HDAC4: variants seen among roughly 807,000 people sequenced by gnomAD.
HDAC4 encodes the protein histone deacetylase 4.
A neutral mutation model predicts 135.1 loss-of-function variants in HDAC4; 16 were observed. The observed-to-expected ratio is 0.12, with a 90% CI of 0.08 to 0.18. The LOEUF (loss-of-function observed/expected upper bound fraction) is 0.18, where lower values mean the gene tolerates loss of function less well. HDAC4 is among the 10% of genes least tolerant of loss of function. The pLI is 1.00. For missense variants in HDAC4, 1,143 were observed against 1,511.8 expected (o/e 0.76, Z 4.05); for synonymous variants, 685 against 653.4 (o/e 1.05, Z -0.74).
intron 20 of HDAC4, 86 bp from the exon 21 acceptor site, chr2:239,082,307 G>T: frequency 1.3e-6 from 2 of 1,546,198 alleles, no homozygotes; most frequent in Non-Finnish European, 1.8e-6. Context: ...CCCCAGTTGT[G>T]CTTAGTGACA....
At chr2:239,230,736 CT>C (rs2047505533) in intron 3 of HDAC4, among the ~76,000 whole-genome samples, 1 of 152,226 alleles carries the variant, frequency 6.6e-6, no homozygotes, top group African/African-American at 2.4e-5. Flanking sequence ...CAACCAAGGA[CT>C]TTGTTACCAC....
chr2:239,272,501 G>C (rs899253795), intron 2 of HDAC4, among the ~76,000 whole-genome samples: 9 of 152,126 alleles, frequency 5.9e-5, no homozygotes, highest in Admixed American at 5.2e-4. Context: ...ATGAGCAAAG[G>C]ATTTAAACAG....
intron 1 of HDAC4, among the ~76,000 whole-genome samples, chr2:239,366,293 G>A (rs918145731): frequency 2.6e-4 from 39 of 152,254 alleles, no homozygotes; most frequent in Admixed American, 2.3e-3. Context: ...AGGGTCACGC[G>A]TGTGGCACTG....
At chr2:239,166,527 C>T (rs527422937) in intron 5 of HDAC4, among the ~76,000 whole-genome samples, 4 of 152,170 alleles carry the variant, frequency 2.6e-5, no homozygotes, top group Non-Finnish European at 4.4e-5. Flanking sequence ...TCAGGGCACC[C>T]GGCGTTAGAC....
chr2:239,083,175 G>A lies in HDAC4; in HGVS notation c.2533-954C>T, dbSNP rs541645678. Reference sequence around the variant, plus strand: ...TACATGGGCAATATCACAGCTCAGCGCGCAGGGAGCACGCCACACAGGGTC... The same window carrying A: ...TACATGGGCAATATCACAGCTCAGCACGCAGGGAGCACGCCACACAGGGTC... On this transcript the variant is annotated intron_variant, in intron 20 of 26. Coordinates refer to ENST00000543185, the MANE Select transcript of HDAC4 (RefSeq NM_001378414.1). Among the ~76,000 whole-genome samples, 63 of 152,242 alleles carry A rather than the reference G, an allele frequency of 4.1e-4. 1 individual carries two copies. The highest frequency in any genetic ancestry group is 9.2e-4 in the Admixed American group (14 of 15,296).
intron 1 of HDAC4, among the ~76,000 whole-genome samples, chr2:239,368,010 A>C (rs538599458): frequency 6.6e-6 from 1 of 152,182 alleles, no homozygotes; most frequent in Non-Finnish European, 1.5e-5. Flanking sequence ...AATAAATTTC[A>C]TGTTTAGACT....
chr2:239,301,927 C>T (rs192778060), intron 2 of HDAC4, among the ~76,000 whole-genome samples: 9 of 152,174 alleles, frequency 5.9e-5, no homozygotes, highest in East Asian at 5.8e-4. Context: ...AAGGAGATTA[C>T]GCCTAAGACT....
rs904289581 is a variant in HDAC4 at position 239,079,987 on chromosome 2, G to A, written c.2750+1108C>T. Among the ~76,000 whole-genome samples the A allele has an allele frequency of 8.1e-5, 12 of 148,648 alleles. No homozygotes were observed. In the East Asian group the frequency reaches 2.1e-3, roughly 26 times the overall value. On this transcript the variant is annotated intron_variant, in intron 22 of 26. Coordinates refer to ENST00000543185, the MANE Select transcript of HDAC4 (RefSeq NM_001378414.1). The stretch of plus-strand genomic sequence containing the variant: ...ACATAGGCATGGACACACACCTGCA[G>A]ACATGCACATGGCTGTAGACACCTG...
chr2:239,243,481 G>C (rs1198889373), intron 2 of HDAC4, among the ~76,000 whole-genome samples: 1 of 152,164 alleles, frequency 6.6e-6, no homozygotes, highest in East Asian at 1.9e-4. Context: ...AGTGTGTTTG[G>C]TGGGGGGTTG....
At chr2:239,248,184 CTT>C (rs1252789584) in intron 2 of HDAC4, among the ~76,000 whole-genome samples, 6 of 145,152 alleles carry the variant, frequency 4.1e-5, no homozygotes, top group Admixed American at 6.9e-5. Context: ...TCCTCTTGCA[CTT>C]TTTTTTTTTT....
intron 5 of HDAC4, among the ~76,000 whole-genome samples, chr2:239,174,363 C>T (rs2043626397): frequency 6.6e-6 from 1 of 151,568 alleles, no homozygotes; most frequent in African/African-American, 2.4e-5. Context: ...GGGCAAGAGA[C>T]TGGAACAAGC....
At chr2:239,353,903 A>G (rs1693321076) in intron 1 of HDAC4, among the ~76,000 whole-genome samples, 1 of 152,248 alleles carries the variant, frequency 6.6e-6, no homozygotes, top group African/African-American at 2.4e-5. Context: ...GTGTAATCAC[A>G]GAATTTAATT....
At chr2:239,225,609 C>G (rs566992090) in intron 3 of HDAC4, among the ~76,000 whole-genome samples, 1 of 152,304 alleles carries the variant, frequency 6.6e-6, no homozygotes, top group Non-Finnish European at 1.5e-5. Context: ...GAAGGCAGGT[C>G]GGCAGGGGAG....
intron 1 of HDAC4, among the ~76,000 whole-genome samples, chr2:239,383,015 C>A (rs1402597717): frequency 6.6e-6 from 1 of 152,168 alleles, no homozygotes; most frequent in Admixed American, 6.5e-5. Flanking sequence ...CAGGCGTGAG[C>A]AACAGCTTAC....
chr2:239,250,796 C>T (rs1575526118), intron 2 of HDAC4, among the ~76,000 whole-genome samples: 2 of 152,328 alleles, frequency 1.3e-5, no homozygotes, highest in Non-Finnish European at 1.5e-5. Flanking sequence ...TGCCAGAGGC[C>T]ACAGCGAAGG....
intron 2 of HDAC4, among the ~76,000 whole-genome samples, chr2:239,290,222 T>G (rs1389622677): frequency 1.3e-5 from 2 of 152,234 alleles, no homozygotes; most frequent in South Asian, 4.1e-4. Context: ...ACATTTTCCA[T>G]GTTATCAGAC....
intron 3 of HDAC4, among the ~76,000 whole-genome samples, chr2:239,232,417 C>G (rs1259196352): frequency 6.6e-6 from 1 of 152,232 alleles, no homozygotes; most frequent in Non-Finnish European, 1.5e-5. Context: ...GCTCTGTTTG[C>G]TCACTCCATG....
chr2:239,339,663 G>A (rs967679598), intron 2 of HDAC4, among the ~76,000 whole-genome samples: 6 of 152,082 alleles, frequency 3.9e-5, no homozygotes, highest in Admixed American at 2.0e-4. Context: ...TGTGGCCCGC[G>A]GCCCCCTGCA....
At chr2:239,246,041 G>A (rs1399361465) in intron 2 of HDAC4, among the ~76,000 whole-genome samples, 1 of 152,230 alleles carries the variant, frequency 6.6e-6, no homozygotes, top group African/African-American at 2.4e-5. Flanking sequence ...CCTGGTGCCA[G>A]CACCTGCCCA....
Sources: gnomAD v4.1 joint callset for allele counts (sites outside exome capture counted in the v4.1 genomes callset) on GRCh38, gnomAD v4.1.1 for gene constraint, MANE v1.5 for transcripts, NCBI Gene and HGNC (gene_info 2026-07-23, HGNC 2026-07-21) for gene names.